Variants in MALT1 observed in about 807,000 individuals in gnomAD.
MALT1 encodes the protein MALT1 paracaspase, also known as mucosa-associated lymphoid tissue lymphoma translocation protein 1.
MALT1 carries 36 observed loss-of-function variants against 85.5 expected under a neutral mutation model. That is an observed-to-expected ratio of 0.42 (90% CI 0.32 to 0.56). The LOEUF (loss-of-function observed/expected upper bound fraction) is 0.56. Among genes scored for constraint, MALT1 ranks in the 20% least tolerant of loss-of-function variants. The probability of loss-of-function intolerance (pLI) is 0.10; values close to 1 mark genes in which losing one functional copy is unlikely to be tolerated. For synonymous variants in MALT1, 359 were observed against 361.3 expected (o/e 0.99, Z 0.07); for missense variants, 716 against 981.6 (o/e 0.73, Z 3.62).
intron 2 of MALT1, among the ~76,000 whole-genome samples, chr18:58,689,967 G>A (rs76130170): frequency 0.011 from 1,671 of 152,292 alleles, 27 homozygotes; most frequent in African/African-American, 0.038. Flanking sequence ...GGAGCAGTTC[G>A]TGGAGGACTT....
intron 2 of MALT1, among the ~76,000 whole-genome samples, chr18:58,686,129 C>T (rs568313575): frequency 2.3e-4 from 35 of 151,970 alleles, no homozygotes; most frequent in Non-Finnish European, 3.4e-4. Context: ...CAGGTTCAAG[C>T]GATTCTTCTG....
chr18:58,697,786 T>C (rs1342575746), intron 3 of MALT1, among the ~76,000 whole-genome samples: 2 of 152,156 alleles, frequency 1.3e-5, no homozygotes, highest in Non-Finnish European at 2.9e-5. Context: ...ATAGGAGTAT[T>C]GTAGGAGATG....
In MALT1 at chr18:58,696,337, A is replaced by ATTT. The variant is rs574285957; in HGVS notation, c.377-5_377-3dup. 7,942 of 987,510 alleles carry ATTT rather than the reference A, an allele frequency of 8.0e-3. 63 individuals carry two copies. Among genetic ancestry groups the ATTT allele is most frequent in the African/African-American group, 0.014 (646 of 44,980 alleles). 61.2% of individuals were successfully genotyped at this position (987,510 alleles called of 1,614,324 possible). ...AAGGAAAATCCCTCTTGTGACTTTA[A>ATTT]TTTTTTTTTTTTTTTTTTTTTTTTT... is the stretch of plus-strand genomic sequence containing the variant. On this transcript the variant is annotated intron_variant, in intron 2 of 16. Transcript: ENST00000649217.
chr18:58,677,732 T>G (rs1450919090), intron 1 of MALT1: 2 of 152,218 alleles, frequency 1.3e-5, no homozygotes, highest in African/African-American at 4.8e-5. Context: ...CAGATTGTGC[T>G]GCCACTGGTC....
Position 58,749,997 on chromosome 18 carries a change from C to T in MALT1, c.*2155C>T. The T allele has an allele frequency of 4.9e-6, 1 of 202,516 alleles. No homozygotes were observed. Among genetic ancestry groups the T allele is most frequent in the East Asian group, 7.7e-5 (1 of 13,030 alleles). 12.5% of individuals were successfully genotyped at this position (202,516 alleles called of 1,614,324 possible). A position where few individuals can be genotyped will look rare whatever the true frequency, so the allele number is the denominator to read the frequency against. On this transcript the variant is annotated 3_prime_UTR_variant, in exon 17 of 17. Coordinates refer to ENST00000649217, the MANE Select transcript of MALT1 (RefSeq NM_006785.4). ...GGTTAGGAATTCAAGGTTTGTTCAA[C>T]ATCTAAAAATCAAATAAGCTAATAA... is the stretch of plus-strand genomic sequence containing the variant.
intron 2 of MALT1, among the ~76,000 whole-genome samples, chr18:58,687,541 G>A (rs2054423189): frequency 6.6e-6 from 1 of 152,176 alleles, no homozygotes; most frequent in South Asian, 2.1e-4. Context: ...AGGGCATGTG[G>A]GTACTCTTCT....
chr18:58,678,775 T>C (rs1012786947), intron 1 of MALT1, among the ~76,000 whole-genome samples: 14 of 152,176 alleles, frequency 9.2e-5, no homozygotes, highest in Non-Finnish European at 1.8e-4. Context: ...CTAAAATATA[T>C]CCTTGCTGGC....
At chr18:58,736,872 T>C (rs1212485606) in intron 13 of MALT1, among the ~76,000 whole-genome samples, 2 of 152,244 alleles carry the variant, frequency 1.3e-5, no homozygotes, top group Non-Finnish European at 2.9e-5. Context: ...AATAGTATCA[T>C]GATAAATAAT....
intron 2 of MALT1, among the ~76,000 whole-genome samples, chr18:58,686,549 T>C (rs117359436): frequency 1.3e-5 from 2 of 152,214 alleles, no homozygotes; most frequent in Non-Finnish European, 2.9e-5. Flanking sequence ...GCTCCAGTGC[T>C]GCAATATTGC....
At chr18:58,685,347 A>T (rs761202156) in intron 2 of MALT1, among the ~76,000 whole-genome samples, 38 of 152,190 alleles carry the variant, frequency 2.5e-4, no homozygotes, top group Admixed American at 3.9e-4. Context: ...ATTAAACGAG[A>T]AACTATAGTC....
chr18:58,737,053 T>A (rs1389969858), intron 13 of MALT1, among the ~76,000 whole-genome samples: 1 of 152,182 alleles, frequency 6.6e-6, no homozygotes, highest in Non-Finnish European at 1.5e-5. Context: ...TTGAAACTCA[T>A]TCCATGGCTG....
Position 58,696,368 on chromosome 18 carries a change from A to G in MALT1, c.379A>G (p.Ile127Val), listed in dbSNP as rs2054588904. 1 of 1,337,816 alleles carries G rather than the reference A, an allele frequency of 7.5e-7. No homozygotes were observed. Among genetic ancestry groups the G allele is most frequent in the Non-Finnish European group, 9.8e-7 (1 of 1,017,412 alleles). The allele number at this position is 1,337,816 out of a possible 1,614,324, so 82.9% of individuals were successfully genotyped here. ...EVLQLLSPPG[I>V]KITVNPESKA... ...TTTTTTTTTTTTTTTTTTTTTAGGA[A>G]TAAAGATTACTGTAAACCCAGAGTC... The change falls in exon 3 of 17, where the codon ATA becomes GTA. Residue 127 changes from isoleucine to valine, a missense_variant and splice_region_variant. By Grantham distance (29) the Ile-to-Val change is conservative. Transcript: ENST00000649217.
intron 13 of MALT1, among the ~76,000 whole-genome samples, chr18:58,736,363 C>T (rs2055221311): frequency 6.6e-6 from 1 of 151,748 alleles, no homozygotes; most frequent in South Asian, 2.1e-4. Flanking sequence ...CCGCTTCATC[C>T]AGAGAAGTTC....
At chr18:58,733,822 G>C in intron 11 of MALT1, 1 of 1,059,042 alleles carries the variant, frequency 9.4e-7, no homozygotes, top group Non-Finnish European at 1.2e-6. Flanking sequence ...CACTACAGGG[G>C]ATTCAACTCT....
intron 15 of MALT1, among the ~76,000 whole-genome samples, chr18:58,744,824 A>G (rs2055345930): frequency 6.6e-6 from 1 of 152,182 alleles, no homozygotes; most frequent in Non-Finnish European, 1.5e-5. Context: ...TTATATTGGA[A>G]ACAGTAGTTT....
chr18:58,750,441 C>CA lies in MALT1; in HGVS notation c.*2605dup, dbSNP rs1447514527. 6 of 152,018 alleles carry CA rather than the reference C, an allele frequency of 3.9e-5. No individual in the cohort carries two copies. The highest frequency in any genetic ancestry group is 3.9e-4 in the Admixed American group (6 of 15,268). The allele number at this position is 152,018 out of a possible 1,614,324, so 9.4% of individuals were successfully genotyped here. A position where few individuals can be genotyped will look rare whatever the true frequency, so the allele number is the denominator to read the frequency against. ...GGAAACGCAGGGGACCCAGAATAGCCAAAAAACCTTGGAAAAGAACAAAGT... is the reference window on the plus strand; with the variant it reads ...GGAAACGCAGGGGACCCAGAATAGCCAAAAAAACCTTGGAAAAGAACAAAGT... On this transcript the variant is annotated 3_prime_UTR_variant, in exon 17 of 17. Coordinates refer to ENST00000649217, the MANE Select transcript of MALT1 (RefSeq NM_006785.4).
chr18:58,707,583 A>C (rs1466301476), intron 4 of MALT1, among the ~76,000 whole-genome samples: 2 of 152,084 alleles, frequency 1.3e-5, no homozygotes, highest in Non-Finnish European at 2.9e-5. Flanking sequence ...CTAACTCCCC[A>C]GCCCCTGACA....
intron 9 of MALT1, 51 bp from the exon 10 acceptor site, chr18:58,722,997 G>A (rs2055004899): frequency 7.5e-7 from 1 of 1,333,442 alleles, no homozygotes; most frequent in African/African-American, 1.5e-5. Context: ...CATAGGTTTT[G>A]TTTTAATCTT....
chr18:58,740,361 GCATTTATTATTT>G (rs1371325294), intron 13 of MALT1, among the ~76,000 whole-genome samples: 3 of 150,688 alleles, frequency 2.0e-5, no homozygotes, highest in African/African-American at 7.3e-5. Context: ...GTCTTGCCTT[GCATTTATTATTT>G]CTTTTTCTAA....
Sources: allele counts gnomAD v4.1 joint callset (sites outside exome capture counted in the v4.1 genomes callset), GRCh38; gene constraint gnomAD v4.1.1; transcripts MANE v1.5; gene names NCBI Gene and HGNC (gene_info 2026-07-23, HGNC 2026-07-21).